XKR8: variants seen among roughly 807,000 people sequenced by gnomAD.
XKR8 encodes XK-related protein 8.
A neutral mutation model predicts 17.1 loss-of-function variants in XKR8; 10 were observed. That is an observed-to-expected ratio of 0.59 (90% CI 0.36 to 0.99). The LOEUF (loss-of-function observed/expected upper bound fraction) is 0.99. XKR8 is among the 50% of genes least tolerant of loss of function. The pLI is 0.01. For missense variants in XKR8, 411 were observed against 515.6 expected (o/e 0.80, Z 1.96); for synonymous variants, 213 against 251.9 (o/e 0.85, Z 1.46).
At chr1:27,962,748 C>T (rs1469835186) in intron 1 of XKR8, among the ~76,000 whole-genome samples, 5 of 151,670 alleles carry the variant, frequency 3.3e-5, no homozygotes, top group Admixed American at 6.6e-5. Context: ...TGTACCACCA[C>T]GTCCAACTAA....
rs1332407296 is a variant in XKR8 at position 27,960,189 on chromosome 1, C to G, written c.120C>G (p.Gly40=). Residue 40 remains glycine, a synonymous_variant, in exon 1 of 3, where the codon GGC becomes GGG. Coordinates refer to ENST00000373884, the MANE Select transcript of XKR8 (RefSeq NM_018053.4). The surrounding 1 kb of genome is among the most constrained non-coding windows in gnomAD (Gnocchi z 5.9). ...DLWAAVQYAL[G]GRYLWAALVL... ...GGGCCGCCGTCCAGTATGCGCTCGG[C>G]GGCCGCTACCTGTGGGCGGCGCTGG... The G allele has an allele frequency of 6.6e-7, 1 of 1,526,656 alleles. No individual in the cohort carries two copies. The highest frequency in any genetic ancestry group is 1.4e-5 in the African/African-American group (1 of 71,470). 94.6% of individuals were successfully genotyped at this position (1,526,656 alleles called of 1,614,324 possible).
In XKR8 at chr1:27,960,889, T is replaced by G. The variant is rs1382718831; in HGVS notation, c.293+527T>G. Among the ~76,000 whole-genome samples the G allele has an allele frequency of 6.6e-6, 1 of 152,228 alleles. No homozygotes were observed. Among genetic ancestry groups the G allele is most frequent in the African/African-American group, 2.4e-5 (1 of 41,454 alleles). On this transcript the variant is annotated intron_variant, in intron 1 of 2. Transcript: ENST00000373884. The surrounding 1 kb of genome is among the most constrained non-coding windows in gnomAD (Gnocchi z 5.9). ...CCTTGGGAAGTCACTGACCTCTCAG[T>G]GGGGCTGTTTGGTTGCTGTTCCCAT...
rs113646118 is a variant in XKR8 at position 27,960,096 on chromosome 1, CCTT to C, written c.29_31del (p.Leu10del). On this transcript the variant is annotated inframe_deletion, in exon 1 of 3. Transcript: ENST00000373884. The surrounding 1 kb of genome is among the most constrained non-coding windows in gnomAD (Gnocchi z 5.9). ...TGCCCTGGTCGTCCCGCGGCGCCCT[CCTT>C]CGGGACCTGGTCCTGGGCGTGCTGG... is the stretch of plus-strand genomic sequence containing the variant. 0.011 allele frequency: 15,877 copies of C among 1,484,506 alleles called. 111 individuals carry two copies. The highest frequency in any genetic ancestry group is 0.021 in the African/African-American group (1,415 of 68,530). 92.0% of individuals were successfully genotyped at this position (1,484,506 alleles called of 1,614,324 possible). A position where few individuals can be genotyped will look rare whatever the true frequency, so the allele number is the denominator to read the frequency against.
rs747640250 is a variant in XKR8, at chr1:27,963,539, G to A, written c.336G>A (p.Gln112=). The change falls in exon 2 of 3, where the codon CAG becomes CAA. Residue 112 remains glutamine (Q), a synonymous_variant. Transcript: ENST00000373884. ...ELRQGLLVWQ[Q]EEPSEFDLAY... is the part of the protein sequence containing the mutation. ...GGCAGGGGCTGCTGGTGTGGCAGCA[G>A]GAGGAGCCCTCTGAGTTTGACTTGG... The A allele has an allele frequency of 2.5e-6, 4 of 1,613,630 alleles. No homozygotes were observed. Among genetic ancestry groups the A allele is most frequent in the Non-Finnish European group, 3.4e-6 (4 of 1,179,820 alleles).
At position 27,966,582 on chromosome 1, in the gene XKR8, C is replaced by T. The variant is rs1476743035; in HGVS notation, c.570C>T (p.Pro190=). The T allele has an allele frequency of 6.2e-7, 1 of 1,614,024 alleles. No individual in the cohort carries two copies. The highest frequency in any genetic ancestry group is 2.2e-5 in the East Asian group (1 of 44,882). Residue 190 remains proline, a synonymous_variant, in exon 3 of 3, where the codon CCC becomes CCT. Transcript: ENST00000373884. This position sits in a 1 kb window ranked among gnomAD's most constrained non-coding sequence, Gnocchi z 4.3. ...ACCGGGCCTTGCGCACCTGCCTCCCCTCCAAGCCGCTCCTGGGCCTGGGCT... is the reference window on the plus strand; with the variant it reads ...ACCGGGCCTTGCGCACCTGCCTCCCTTCCAAGCCGCTCCTGGGCCTGGGCT... ...DYHRALRTCL[P]SKPLLGLGSS...
In XKR8 at chr1:27,960,088, G is replaced by T; in HGVS notation, c.19G>T (p.Gly7Cys). 1 of 1,473,134 alleles carries T rather than the reference G, an allele frequency of 6.8e-7. No individual in the cohort carries two copies. Among genetic ancestry groups the T allele is most frequent in the Non-Finnish European group, 8.9e-7 (1 of 1,118,158 alleles). The allele number at this position is 1,473,134 out of a possible 1,614,324, so 91.3% of individuals were successfully genotyped here. A position where few individuals can be genotyped will look rare whatever the true frequency, so the allele number is the denominator to read the frequency against. The change falls in exon 1 of 3, where the codon GGC (glycine) becomes TGC (cysteine). Residue 7 changes from glycine to cysteine, a missense_variant. Physicochemically the swap from Gly to Cys is radical, Grantham distance 159. Coordinates refer to ENST00000373884, the MANE Select transcript of XKR8 (RefSeq NM_018053.4). The surrounding 1 kb of genome is among the most constrained non-coding windows in gnomAD (Gnocchi z 5.9). The stretch of plus-strand genomic sequence containing the variant: ...GCGGGCCATGCCCTGGTCGTCCCGC[G>T]GCGCCCTCCTTCGGGACCTGGTCCT... MPWSSR[G>C]ALLRDLVLGV...
At chr1:27,961,423 GGA>G (rs765969142) in intron 1 of XKR8, among the ~76,000 whole-genome samples, 8 of 152,204 alleles carry the variant, frequency 5.3e-5, no homozygotes, top group Non-Finnish European at 1.0e-4. Context: ...AAAGCCACAC[GGA>G]GTCTCCAGGA....
chr1:27,962,468 G>A (rs1444263897), intron 1 of XKR8, among the ~76,000 whole-genome samples: 2 of 152,132 alleles, frequency 1.3e-5, no homozygotes, highest in Non-Finnish European at 2.9e-5. Flanking sequence ...AGCTACTCTG[G>A]AGGCCGAGGC....
At position 27,960,859 on chromosome 1, in the gene XKR8, C is replaced by G. The variant is rs762466057; in HGVS notation, c.293+497C>G. On this transcript the variant is annotated intron_variant, in intron 1 of 2. Coordinates refer to ENST00000373884, the MANE Select transcript of XKR8 (RefSeq NM_018053.4). The surrounding 1 kb of genome is among the most constrained non-coding windows in gnomAD (Gnocchi z 5.9). ...TCAGCATCCCATGTTTCAGCATGGG[C>G]AGGGCCTTGGGAAGTCACTGACCTC... Among the ~76,000 whole-genome samples, 29 of 152,244 alleles carry G rather than the reference C, an allele frequency of 1.9e-4. No homozygotes were observed. The highest frequency in any genetic ancestry group is 3.8e-4 in the Non-Finnish European group (26 of 68,044).
intron 1 of XKR8, among the ~76,000 whole-genome samples, chr1:27,961,106 G>C (rs902566533): frequency 3.9e-5 from 6 of 152,230 alleles, no homozygotes; most frequent in African/African-American, 1.4e-4. Context: ...CTGTCTGCCT[G>C]GTTGTATTCT....
chr1:27,960,896 G>C lies in XKR8; in HGVS notation c.293+534G>C, dbSNP rs992048222. Among the ~76,000 whole-genome samples, 4 of 152,242 alleles carry C rather than the reference G, an allele frequency of 2.6e-5. No individual in the cohort carries two copies. Among genetic ancestry groups the C allele is most frequent in the African/African-American group, 9.6e-5 (4 of 41,462 alleles). ...AAGTCACTGACCTCTCAGTGGGGCTGTTTGGTTGCTGTTCCCATTGGGATG... is the reference window on the plus strand; with the variant it reads ...AAGTCACTGACCTCTCAGTGGGGCTCTTTGGTTGCTGTTCCCATTGGGATG... On this transcript the variant is annotated intron_variant, in intron 1 of 2. Coordinates refer to ENST00000373884, the MANE Select transcript of XKR8 (RefSeq NM_018053.4). This position sits in a 1 kb window ranked among gnomAD's most constrained non-coding sequence, Gnocchi z 5.9.
chr1:27,966,349 TG>T lies in XKR8; in HGVS notation c.491-151del, dbSNP rs1164134584. Among the ~76,000 whole-genome samples, 3 of 152,152 alleles carry T rather than the reference TG, an allele frequency of 2.0e-5. No individual in the cohort carries two copies. The highest frequency in any genetic ancestry group is 4.4e-5 in the Non-Finnish European group (3 of 68,024). Reference sequence around the variant, plus strand: ...TTTGTTTTTGGTTGTGGGAACTCACTGGGTCTTCTCTAGCTGCAGATTTGCC... The same window carrying T: ...TTTGTTTTTGGTTGTGGGAACTCACTGGTCTTCTCTAGCTGCAGATTTGCC... On this transcript the variant is annotated intron_variant, in intron 2 of 2. Transcript: ENST00000373884. This position sits in a 1 kb window ranked among gnomAD's most constrained non-coding sequence, Gnocchi z 4.3.
chr1:27,967,395 C>T lies in XKR8; in HGVS notation c.*195C>T. Reference sequence around the variant, plus strand: ...GGCAGAGGCCTCCTTTCAAGGAGTTCACAGTGAACAAGATGAGAAGGGCTG... The same window carrying T: ...GGCAGAGGCCTCCTTTCAAGGAGTTTACAGTGAACAAGATGAGAAGGGCTG... On this transcript the variant is annotated 3_prime_UTR_variant, in exon 3 of 3. Transcript: ENST00000373884. This position sits in a 1 kb window ranked among gnomAD's most constrained non-coding sequence, Gnocchi z 4.3. 1 of 539,258 alleles carries T rather than the reference C, an allele frequency of 1.9e-6. No homozygotes were observed. The highest frequency in any genetic ancestry group is 3.2e-6 in the Non-Finnish European group (1 of 317,206). 33.4% of individuals were successfully genotyped at this position (539,258 alleles called of 1,614,324 possible). A position where few individuals can be genotyped will look rare whatever the true frequency, so the allele number is the denominator to read the frequency against.
intron 2 of XKR8, 41 bp downstream of exon 2, chr1:27,963,734 G>T: frequency 6.8e-7 from 1 of 1,468,790 alleles, no homozygotes. Context: ...TCGTGGCTTG[G>T]TGGGGGGTCT....
chr1:27,961,536 G>A (rs1638470144), intron 1 of XKR8, among the ~76,000 whole-genome samples: 1 of 152,220 alleles, frequency 6.6e-6, no homozygotes, highest in African/African-American at 2.4e-5. Context: ...GTTAAGTCCT[G>A]GGCAGGCCTC....
chr1:27,960,400 C>A lies in XKR8; in HGVS notation c.293+38C>A, dbSNP rs1359331201. On this transcript the variant is annotated intron_variant, in intron 1 of 2. Coordinates refer to ENST00000373884, the MANE Select transcript of XKR8 (RefSeq NM_018053.4). This position sits in a 1 kb window ranked among gnomAD's most constrained non-coding sequence, Gnocchi z 5.9. The stretch of plus-strand genomic sequence containing the variant: ...CCCCGGGAGGGGAGGAGTGTCGGAG[C>A]CCAGCACCTCCGTCAGCTGGGTCAC... 2 of 1,352,298 alleles carry A rather than the reference C, an allele frequency of 1.5e-6. No individual in the cohort carries two copies. The highest frequency in any genetic ancestry group is 1.9e-6 in the Non-Finnish European group (2 of 1,056,784). The allele number at this position is 1,352,298 out of a possible 1,614,324, so 83.8% of individuals were successfully genotyped here. A position where few individuals can be genotyped will look rare whatever the true frequency, so the allele number is the denominator to read the frequency against.
At chr1:27,961,428 C>A (rs896221422) in intron 1 of XKR8, among the ~76,000 whole-genome samples, 3 of 152,208 alleles carry the variant, frequency 2.0e-5, no homozygotes, top group Non-Finnish European at 4.4e-5. Context: ...CACACGGAGT[C>A]TCCAGGAGTG....
At position 27,965,850 on chromosome 1, in the gene XKR8, T is replaced by G. The variant is rs559603159; in HGVS notation, c.491-653T>G. ...ACTTCCATCCCTCCCTGGAGGCCCT[T>G]GTGCTTCTGCTCCAGGATTGGCAAC... On this transcript the variant is annotated intron_variant, in intron 2 of 2. Transcript: ENST00000373884. This position sits in a 1 kb window ranked among gnomAD's most constrained non-coding sequence, Gnocchi z 4.1. Among the ~76,000 whole-genome samples the G allele has an allele frequency of 6.6e-6, 1 of 152,198 alleles. No individual in the cohort carries two copies. The highest frequency in any genetic ancestry group is 2.1e-4 in the South Asian group (1 of 4,818).
Position 27,965,222 on chromosome 1 carries a change from G to A in XKR8, c.491-1281G>A, listed in dbSNP as rs550601842. On this transcript the variant is annotated intron_variant, in intron 2 of 2. Coordinates refer to ENST00000373884, the MANE Select transcript of XKR8 (RefSeq NM_018053.4). The surrounding 1 kb of genome is among the most constrained non-coding windows in gnomAD (Gnocchi z 4.1). Reference sequence around the variant, plus strand: ...CACACGTCTTTGTCTGTTGAGGGTTGGGGGTGTCTAGAACCAGGGCCAAGT... The same window carrying A: ...CACACGTCTTTGTCTGTTGAGGGTTAGGGGTGTCTAGAACCAGGGCCAAGT... Among the ~76,000 whole-genome samples the A allele has an allele frequency of 6.6e-6, 1 of 152,266 alleles. No individual in the cohort carries two copies. Among genetic ancestry groups the A allele is most frequent in the South Asian group, 2.1e-4 (1 of 4,820 alleles).
Sources: gnomAD v4.1 joint callset for allele counts (sites outside exome capture counted in the v4.1 genomes callset) on GRCh38, gnomAD v4.1.1 for gene constraint, Gnocchi (gnomAD v3.1) non-coding constraint, MANE v1.5 for transcripts, NCBI Gene and HGNC (gene_info 2026-07-23, HGNC 2026-07-21) for gene names.